Variants in SPAG16 observed in about 807,000 individuals in gnomAD.
SPAG16 encodes sperm-associated antigen 16 protein.
Under a neutral mutation model 80.4 loss-of-function variants are expected in SPAG16, and 86 were observed. That is an observed-to-expected ratio of 1.07 (90% CI 0.90 to 1.28). The LOEUF (loss-of-function observed/expected upper bound fraction) is 1.28. SPAG16 is among the 50% of genes most tolerant of loss of function. SPAG16 has a pLI of 0.00. For synonymous variants in SPAG16, 294 were observed against 265.9 expected, an observed-to-expected ratio of 1.11 and a Z score of -1.03; for missense variants, 870 against 765.3, an observed-to-expected ratio of 1.14 and a Z score of -1.61.
intron 10 of SPAG16, among the ~76,000 whole-genome samples, chr2:213,518,724 T>C (rs532932907): frequency 6.6e-6 from 1 of 152,334 alleles, no homozygotes; most frequent in South Asian, 2.1e-4. Flanking sequence ...CCAACAATCC[T>C]GTTACTAGGT....
intron 10 of SPAG16, among the ~76,000 whole-genome samples, chr2:213,537,096 G>A (rs1470201211): frequency 2.7e-5 from 4 of 147,778 alleles, no homozygotes; most frequent in Non-Finnish European, 4.4e-5. Context: ...CTCACTCATA[G>A]GTGGGAACTG....
intron 9 of SPAG16, among the ~76,000 whole-genome samples, chr2:213,411,892 T>TAAA (rs57998726): frequency 6.8e-6 from 1 of 147,904 alleles, no homozygotes; most frequent in East Asian, 2.0e-4. Flanking sequence ...TAAGCCATGT[T>TAAA]AAAAAAAAAA....
chr2:213,493,434 G>A (rs1266943489), intron 10 of SPAG16, among the ~76,000 whole-genome samples: 1 of 152,144 alleles, frequency 6.6e-6, no homozygotes, highest in Non-Finnish European at 1.5e-5. Flanking sequence ...ATAGGCCAAA[G>A]AACCAGACAG....
intron 15 of SPAG16, among the ~76,000 whole-genome samples, chr2:214,385,453 C>T (rs1700696117): frequency 1.3e-5 from 2 of 152,172 alleles, no homozygotes; most frequent in Admixed American, 1.3e-4. Context: ...TAACTACCAC[C>T]AAGGCATTCT....
chr2:213,445,459 C>A lies in SPAG16; in HGVS notation c.943-44504C>A, dbSNP rs562081548. On this transcript the variant is annotated intron_variant, in intron 9 of 15. Coordinates refer to ENST00000331683, the MANE Select transcript of SPAG16 (RefSeq NM_024532.5). Reference sequence around the variant, plus strand: ...AGTGGATCACCTGAGGTCAGGAGATCGAGACCAGCCTGGCCAACATGGTGA... The same window carrying A: ...AGTGGATCACCTGAGGTCAGGAGATAGAGACCAGCCTGGCCAACATGGTGA... Among the ~76,000 whole-genome samples, 31 of 152,158 alleles carry A rather than the reference C, an allele frequency of 2.0e-4. No individual in the cohort carries two copies. The East Asian group carries it at 5.4e-3, about 27-fold the overall frequency.
At chr2:213,305,642 T>C (rs2126100169) in intron 3 of SPAG16, among the ~76,000 whole-genome samples, 1 of 152,332 alleles carries the variant, frequency 6.6e-6, no homozygotes, top group East Asian at 1.9e-4. Context: ...TTCATTCTTT[T>C]GTTATGATGT....
chr2:213,437,025 C>T (rs1039715241), intron 9 of SPAG16, among the ~76,000 whole-genome samples: 3 of 152,078 alleles, frequency 2.0e-5, no homozygotes, highest in East Asian at 1.9e-4. Context: ...CATTCTCCTG[C>T]CTCAGCCTCC....
At position 214,352,472 on chromosome 2, in the gene SPAG16, A is replaced by C. The variant is rs79816343; in HGVS notation, c.1721-57668A>C. The stretch of plus-strand genomic sequence containing the variant: ...AACTGCCTTTATTTAGACTTTCTTC[A>C]GTCTTGAAATTCCATTGTGATACTC... On this transcript the variant is annotated intron_variant, in intron 15 of 15. Transcript: ENST00000331683. Among the ~76,000 whole-genome samples, 61 of 151,310 alleles carry C rather than the reference A, an allele frequency of 4.0e-4. 1 individual carries two copies. In the East Asian group the frequency reaches 6.4e-3, roughly 16 times the overall value.
intron 15 of SPAG16, among the ~76,000 whole-genome samples, chr2:214,235,253 T>C (rs954695182): frequency 1.3e-5 from 2 of 152,138 alleles, no homozygotes; most frequent in African/African-American, 2.4e-5. Context: ...AAATAAAATG[T>C]AAGTTGATTT....
At chr2:213,341,129 C>T (rs540204948) in intron 6 of SPAG16, among the ~76,000 whole-genome samples, 3 of 152,180 alleles carry the variant, frequency 2.0e-5, no homozygotes, top group South Asian at 2.1e-4. Context: ...AATACAGCTA[C>T]ACTTGGTGTA....
At chr2:213,794,766 C>T (rs553766516) in intron 10 of SPAG16, among the ~76,000 whole-genome samples, 1 of 152,140 alleles carries the variant, frequency 6.6e-6, no homozygotes, top group South Asian at 2.1e-4. Flanking sequence ...AAACTATGCC[C>T]TGCATCCAGC....
chr2:214,007,488 A>G (rs1361732157), intron 12 of SPAG16, among the ~76,000 whole-genome samples: 1 of 152,172 alleles, frequency 6.6e-6, no homozygotes, highest in African/African-American at 2.4e-5. Context: ...TTTGTATGCA[A>G]ATGTTTCCAT....
At chr2:213,942,603 G>T (rs1475011088) in intron 12 of SPAG16, among the ~76,000 whole-genome samples, 1 of 152,148 alleles carries the variant, frequency 6.6e-6, no homozygotes, top group Non-Finnish European at 1.5e-5. Flanking sequence ...CTTCAGTTGG[G>T]ACAGCTGGGG....
intron 11 of SPAG16, among the ~76,000 whole-genome samples, chr2:213,927,108 A>C (rs2078514018): frequency 2.6e-5 from 4 of 152,318 alleles, no homozygotes; most frequent in Admixed American, 2.0e-4. Flanking sequence ...CTCACAATGC[A>C]GGGAGCGAGT....
intron 10 of SPAG16, among the ~76,000 whole-genome samples, chr2:213,510,224 T>C (rs1395356247): frequency 1.3e-5 from 2 of 152,152 alleles, no homozygotes; most frequent in African/African-American, 2.4e-5. Context: ...GGTCCATCCA[T>C]AATAGGACAA....
chr2:214,322,432 G>A (rs1696161539), intron 15 of SPAG16, among the ~76,000 whole-genome samples: 1 of 150,068 alleles, frequency 6.7e-6, no homozygotes, highest in South Asian at 2.1e-4. Flanking sequence ...TGTTTTTAAA[G>A]AGATAAAATT....
At chr2:214,115,187 A>G (rs1048790349) in intron 14 of SPAG16, among the ~76,000 whole-genome samples, 1 of 152,206 alleles carries the variant, frequency 6.6e-6, no homozygotes, top group African/African-American at 2.4e-5. Context: ...TTTATGTCAC[A>G]TACCTGCTAA....
chr2:213,366,284 A>G (rs2066286583), intron 8 of SPAG16, among the ~76,000 whole-genome samples: 1 of 152,194 alleles, frequency 6.6e-6, no homozygotes, highest in Non-Finnish European at 1.5e-5. Flanking sequence ...AATTTCCCCA[A>G]ATTCATGTAA....
At chr2:213,739,220 G>T (rs2067429878) in intron 10 of SPAG16, among the ~76,000 whole-genome samples, 1 of 152,206 alleles carries the variant, frequency 6.6e-6, no homozygotes, top group Non-Finnish European at 1.5e-5. Flanking sequence ...GTAGGATAAT[G>T]TGGTTTGGTT....
Sources: allele counts gnomAD v4.1 joint callset (sites outside exome capture counted in the v4.1 genomes callset), GRCh38; gene constraint gnomAD v4.1.1; transcripts MANE v1.5; gene names NCBI Gene and HGNC (gene_info 2026-07-23, HGNC 2026-07-21).